The following KCNJ6 variants were observed in gnomAD, a reference collection of about 807,000 sequenced individuals.
The protein encoded by KCNJ6 is G protein-activated inward rectifier potassium channel 2.
Under a neutral mutation model 34.2 loss-of-function variants are expected in KCNJ6, and 9 were observed. The observed-to-expected ratio is 0.26, with a 90% CI of 0.16 to 0.46. KCNJ6 has a LOEUF of 0.46. KCNJ6 is among the 20% of genes least tolerant of loss of function. The probability of loss-of-function intolerance (pLI) is 1.00; values close to 1 mark genes in which losing one functional copy is unlikely to be tolerated. For missense variants in KCNJ6, 236 were observed against 531.3 expected, an observed-to-expected ratio of 0.44 and a Z score of 5.46; for synonymous variants, 196 against 207.1, an observed-to-expected ratio of 0.95 and a Z score of 0.46.
intron 1 of KCNJ6, among the ~76,000 whole-genome samples, chr21:37,855,169 AT>A (rs372142668): frequency 1.3e-5 from 2 of 152,212 alleles, no homozygotes; most frequent in South Asian, 2.1e-4. Flanking sequence ...AAAAAATAAA[AT>A]TTTTTTGGTT....
chr21:37,907,581 A>G (rs1431398266), intron 1 of KCNJ6, among the ~76,000 whole-genome samples: 2 of 152,228 alleles, frequency 1.3e-5, no homozygotes, highest in Admixed American at 6.5e-5. Context: ...TGCAGAGAAG[A>G]CAGATCACAT....
intron 1 of KCNJ6, among the ~76,000 whole-genome samples, chr21:37,841,901 C>T (rs778062915): frequency 2.6e-5 from 4 of 152,154 alleles, no homozygotes; most frequent in Admixed American, 6.5e-5. Flanking sequence ...TTGTCCTGTG[C>T]AAGTTATTTT....
At chr21:37,635,508 G>A (rs539704319) in intron 3 of KCNJ6, among the ~76,000 whole-genome samples, 8 of 150,452 alleles carry the variant, frequency 5.3e-5, no homozygotes, top group African/African-American at 2.0e-4. Context: ...GTGAGCCACC[G>A]CACCTGGCCT....
chr21:37,881,955 G>A (rs749143610), intron 1 of KCNJ6, among the ~76,000 whole-genome samples: 18 of 152,092 alleles, frequency 1.2e-4, no homozygotes, highest in Non-Finnish European at 2.1e-4. Flanking sequence ...CAGAGACTTG[G>A]GGGTCTCACA....
intron 3 of KCNJ6, among the ~76,000 whole-genome samples, chr21:37,630,011 G>T (rs147835815): frequency 6.6e-6 from 1 of 152,026 alleles, no homozygotes; most frequent in Admixed American, 6.6e-5. Context: ...CCTGTCTTAC[G>T]TATTGACTTA....
At chr21:37,766,106 T>A (rs966202221) in intron 2 of KCNJ6, among the ~76,000 whole-genome samples, 1 of 152,206 alleles carries the variant, frequency 6.6e-6, no homozygotes, top group African/African-American at 2.4e-5. Context: ...TGTAACACCC[T>A]CATTCTGCAT....
At chr21:37,798,511 G>GA (rs960864961) in intron 2 of KCNJ6, among the ~76,000 whole-genome samples, 17 of 152,146 alleles carry the variant, frequency 1.1e-4, no homozygotes, top group Non-Finnish European at 1.3e-4. Flanking sequence ...ACCAAAAGGT[G>GA]AAAACAACTC....
rs1569432789 is a variant in KCNJ6 at position 37,628,964 on chromosome 21, G to T, written c.947-3480C>A. On this transcript the variant is annotated intron_variant, in intron 3 of 3. Coordinates refer to ENST00000609713, the MANE Select transcript of KCNJ6 (RefSeq NM_002240.5). ...AAAATTATCCTTCACAAATGAAGGAGAAATGAAGCCATTCCATGAACAAAA... is the reference window on the plus strand; with the variant it reads ...AAAATTATCCTTCACAAATGAAGGATAAATGAAGCCATTCCATGAACAAAA... Among the ~76,000 whole-genome samples, 3 of 152,166 alleles carry T rather than the reference G, an allele frequency of 2.0e-5. No homozygotes were observed. The South Asian group carries it at 6.2e-4, about 32-fold the overall frequency.
At chr21:37,883,646 C>T (rs1478896436) in intron 1 of KCNJ6, among the ~76,000 whole-genome samples, 1 of 152,150 alleles carries the variant, frequency 6.6e-6, no homozygotes, top group Non-Finnish European at 1.5e-5. Context: ...AAGTCCCGGG[C>T]TTCAGAACCA....
intron 1 of KCNJ6, among the ~76,000 whole-genome samples, chr21:37,881,230 G>A (rs142719164): frequency 2.6e-5 from 4 of 152,234 alleles, no homozygotes; most frequent in African/African-American, 9.6e-5. Context: ...GGATTCTGAT[G>A]TGGAGAAAGT....
intron 3 of KCNJ6, among the ~76,000 whole-genome samples, chr21:37,636,866 A>G (rs767892442): frequency 1.3e-5 from 2 of 152,242 alleles, no homozygotes; most frequent in Non-Finnish European, 2.9e-5. Flanking sequence ...CAATACATAG[A>G]CAATACATGA....
chr21:37,701,130 G>A (rs570654355), intron 3 of KCNJ6, among the ~76,000 whole-genome samples: 3 of 152,224 alleles, frequency 2.0e-5, no homozygotes, highest in Non-Finnish European at 4.4e-5. Flanking sequence ...TAGGAGAGAG[G>A]CATGGGGCTG....
chr21:37,852,275 C>T (rs1055144067), intron 1 of KCNJ6, among the ~76,000 whole-genome samples: 1 of 152,204 alleles, frequency 6.6e-6, no homozygotes, highest in Non-Finnish European at 1.5e-5. Context: ...GCCTGGTCCT[C>T]CACACGGTTC....
chr21:37,667,841 T>C (rs1453583621), intron 3 of KCNJ6, among the ~76,000 whole-genome samples: 2 of 152,082 alleles, frequency 1.3e-5, no homozygotes, highest in Non-Finnish European at 2.9e-5. Flanking sequence ...TGAGAACCAC[T>C]GTCCTAGGTC....
intron 2 of KCNJ6, among the ~76,000 whole-genome samples, chr21:37,764,191 G>A (rs2055079741): frequency 6.6e-6 from 1 of 152,102 alleles, no homozygotes; most frequent in East Asian, 1.9e-4. Flanking sequence ...TAATGCAAGA[G>A]GTACCTAGTC....
At position 37,714,253 on chromosome 21, in the gene KCNJ6, G is replaced by A; in HGVS notation, c.904C>T (p.Leu302=). 6.2e-7 allele frequency: 1 copy of A among 1,614,040 alleles called. No individual in the cohort carries two copies. Among genetic ancestry groups the A allele is most frequent in the Non-Finnish European group, 8.5e-7 (1 of 1,179,938 alleles). ...CCTTCTAGGATGACCACAATTTCCAGTTCCTCTTTGGGCAGCTGGGCTTTG... is the reference window on the plus strand; with the variant it reads ...CCTTCTAGGATGACCACAATTTCCAATTCCTCTTTGGGCAGCTGGGCTTTG... The part of the protein sequence containing the change: ...ISKAQLPKEE[L]EIVVILEGMV... Residue 302 remains leucine, a synonymous_variant, in exon 3 of 4, where the codon CTG becomes TTG. Coordinates refer to ENST00000609713, the MANE Select transcript of KCNJ6 (RefSeq NM_002240.5). The surrounding 1 kb of genome is among the most constrained non-coding windows in gnomAD (Gnocchi z 5.9).
At chr21:37,895,240 C>T (rs1456539137) in intron 1 of KCNJ6, among the ~76,000 whole-genome samples, 6 of 152,202 alleles carry the variant, frequency 3.9e-5, no homozygotes, top group Non-Finnish European at 7.3e-5. Flanking sequence ...GGAGGCAACA[C>T]GGCTTTGTCC....
At chr21:37,718,272 A>G (rs879437480) in intron 2 of KCNJ6, among the ~76,000 whole-genome samples, 2 of 152,226 alleles carry the variant, frequency 1.3e-5, no homozygotes, top group African/African-American at 4.8e-5. Context: ...GCTGCTATCT[A>G]TCTGTCTAGA....
At chr21:37,725,111 C>A (rs985681321) in intron 2 of KCNJ6, among the ~76,000 whole-genome samples, 3 of 151,798 alleles carry the variant, frequency 2.0e-5, no homozygotes, top group Non-Finnish European at 4.4e-5. Flanking sequence ...GCAATAAATA[C>A]CCCAACAGAA....
Sources: gnomAD v4.1 joint callset for allele counts (sites outside exome capture counted in the v4.1 genomes callset) on GRCh38, gnomAD v4.1.1 for gene constraint, Gnocchi (gnomAD v3.1) non-coding constraint, MANE v1.5 for transcripts, NCBI Gene and HGNC (gene_info 2026-07-23, HGNC 2026-07-21) for gene names.